Variants in DLG2 observed in about 807,000 individuals in gnomAD.
DLG2 encodes the protein discs large MAGUK scaffold protein 2, also known as disks large homolog 2.
A neutral mutation model predicts 132.5 loss-of-function variants in DLG2; 45 were observed. That is an observed-to-expected ratio of 0.34 (90% confidence interval 0.27 to 0.44). The LOEUF (loss-of-function observed/expected upper bound fraction) is 0.44. Among genes scored for constraint, DLG2 ranks in the 20% least tolerant of loss-of-function variants. The pLI, the probability that DLG2 is intolerant of heterozygous loss-of-function variation, is 1.00. For missense variants in DLG2, 1,045 were observed against 1,196.9 expected (o/e 0.87, Z 1.87); for synonymous variants, 424 against 419.6 (o/e 1.01, Z -0.13).
intron 3 of DLG2, among the ~76,000 whole-genome samples, chr11:85,527,341 C>T (rs2074850369): frequency 6.6e-6 from 1 of 151,964 alleles, no homozygotes; most frequent in Admixed American, 6.6e-5. Flanking sequence ...TGCTCTCTCT[C>T]CCCTTGCGCC....
chr11:83,764,526 A>C (rs2094055479), intron 18 of DLG2, among the ~76,000 whole-genome samples: 1 of 152,068 alleles, frequency 6.6e-6, no homozygotes, highest in Non-Finnish European at 1.5e-5. Flanking sequence ...GATGGGAGTT[A>C]CTCTATCTTT....
intron 6 of DLG2, among the ~76,000 whole-genome samples, chr11:85,057,562 G>A (rs2063582306): frequency 6.6e-6 from 1 of 151,548 alleles, no homozygotes; most frequent in Non-Finnish European, 1.5e-5. Flanking sequence ...AGACTTCAGA[G>A]GTGAATTATT....
intron 11 of DLG2, among the ~76,000 whole-genome samples, chr11:84,032,886 C>G (rs2095744639): frequency 6.6e-6 from 1 of 152,140 alleles, no homozygotes; most frequent in Non-Finnish European, 1.5e-5. Flanking sequence ...TCTGCCTGTA[C>G]TCTATAAATG....
intron 8 of DLG2, among the ~76,000 whole-genome samples, chr11:84,206,564 C>T (rs1360122044): frequency 6.6e-6 from 1 of 151,942 alleles, no homozygotes; most frequent in African/African-American, 2.4e-5. Context: ...GAATTTTTCA[C>T]AAGAATACAA....
At chr11:85,337,303 C>T (rs1053051372) in intron 3 of DLG2, among the ~76,000 whole-genome samples, 1 of 152,176 alleles carries the variant, frequency 6.6e-6, no homozygotes, top group South Asian at 2.1e-4. Context: ...AGGCTGGTCT[C>T]AAACTCCTAG....
At chr11:85,488,098 A>T (rs2093471870) in intron 3 of DLG2, among the ~76,000 whole-genome samples, 1 of 152,194 alleles carries the variant, frequency 6.6e-6, no homozygotes, top group South Asian at 2.1e-4. Flanking sequence ...GACATGTAAG[A>T]AGTGCCTTTT....
intron 6 of DLG2, among the ~76,000 whole-genome samples, chr11:85,081,883 G>A (rs984869870): frequency 6.6e-6 from 1 of 152,138 alleles, no homozygotes; most frequent in Non-Finnish European, 1.5e-5. Context: ...TGTAAATTAT[G>A]AGACCCCTGT....
intron 7 of DLG2, among the ~76,000 whole-genome samples, chr11:84,331,402 C>T (rs1487512926): frequency 6.8e-6 from 1 of 147,370 alleles, no homozygotes; most frequent in Non-Finnish European, 1.5e-5. Context: ...AGTCAGATTC[C>T]AAATCCTGAT....
intron 8 of DLG2, among the ~76,000 whole-genome samples, chr11:84,192,726 T>C (rs1026158279): frequency 4.0e-5 from 6 of 151,684 alleles, no homozygotes; most frequent in South Asian, 2.1e-4. Flanking sequence ...CGAGACTCCA[T>C]CTCAAAAAAT....
intron 3 of DLG2, among the ~76,000 whole-genome samples, chr11:85,294,082 AAT>A (rs1465924937): frequency 6.6e-6 from 1 of 152,136 alleles, no homozygotes; most frequent in Non-Finnish European, 1.5e-5. Flanking sequence ...TATCTACAAA[AAT>A]AAAAATAAAC....
intron 5 of DLG2, among the ~76,000 whole-genome samples, chr11:85,123,139 G>A (rs1192576271): frequency 6.7e-6 from 1 of 150,184 alleles, no homozygotes; most frequent in African/African-American, 2.4e-5. Context: ...CACCACACTC[G>A]GCTAATTTTT....
At chr11:84,560,290 C>T (rs2099423411) in intron 6 of DLG2, among the ~76,000 whole-genome samples, 1 of 152,048 alleles carries the variant, frequency 6.6e-6, no homozygotes, top group Non-Finnish European at 1.5e-5. Context: ...CTACAGTGTG[C>T]TAGGCACTAT....
rs57863742 is a variant in DLG2 at position 84,667,498 on chromosome 11, G to GTTTTTTTTTT, written c.358-132777_358-132768dup. On this transcript the variant is annotated intron_variant, in intron 6 of 27. Coordinates refer to ENST00000376104, the MANE Select transcript of DLG2 (RefSeq NM_001142699.3). ...TTTTTGTTTTTGTTTTTTGTTTTTT[G>GTTTTTTTTTT]TTTTTTTTTTTTTTTTGAGTCATAG... 1.7e-4 allele frequency among the ~76,000 whole-genome samples: 21 copies of GTTTTTTTTTT among 122,258 alleles called. 1 individual carries two copies. The highest frequency in any genetic ancestry group is 2.6e-4 in the Non-Finnish European group (16 of 61,634). The allele number at this position is 122,258 out of a possible 152,430, so 80.2% of individuals were successfully genotyped here.
intron 15 of DLG2, among the ~76,000 whole-genome samples, chr11:83,919,412 A>T (rs2077466211): frequency 6.6e-6 from 1 of 152,216 alleles, no homozygotes; most frequent in Non-Finnish European, 1.5e-5. Context: ...ATACAAATCT[A>T]TATATAGCTA....
At chr11:85,020,349 G>A (rs1290840553) in intron 6 of DLG2, among the ~76,000 whole-genome samples, 1 of 152,142 alleles carries the variant, frequency 6.6e-6, no homozygotes, top group Non-Finnish European at 1.5e-5. Context: ...GTTCTTTGTA[G>A]ATTCTCGATA....
intron 6 of DLG2, among the ~76,000 whole-genome samples, chr11:84,855,951 A>G (rs1209385452): frequency 1.3e-5 from 2 of 152,042 alleles, no homozygotes; most frequent in African/African-American, 4.8e-5. Context: ...GCGATCATCT[A>G]TCAGGTCACC....
At chr11:84,457,217 T>C (rs1158865093) in intron 7 of DLG2, among the ~76,000 whole-genome samples, 1 of 151,204 alleles carries the variant, frequency 6.6e-6, no homozygotes, top group East Asian at 1.9e-4. Context: ...CATTTATTCA[T>C]TCATATAAAA....
At chr11:83,947,646 T>C (rs181672611) in intron 14 of DLG2, among the ~76,000 whole-genome samples, 1 of 152,330 alleles carries the variant, frequency 6.6e-6, no homozygotes, top group East Asian at 1.9e-4. Flanking sequence ...TGCCAGGCTC[T>C]GTTTGAAGTG....
chr11:84,767,359 A>C (rs948556798), intron 6 of DLG2, among the ~76,000 whole-genome samples: 2 of 152,056 alleles, frequency 1.3e-5, no homozygotes, highest in African/African-American at 2.4e-5. Flanking sequence ...AGAAACAAAC[A>C]GTTATTCCAT....
Sources: allele counts gnomAD v4.1 joint callset (sites outside exome capture counted in the v4.1 genomes callset), GRCh38; gene constraint gnomAD v4.1.1; transcripts MANE v1.5; gene names NCBI Gene and HGNC (gene_info 2026-07-23, HGNC 2026-07-21).